KANK2: variants seen among roughly 807,000 people sequenced by gnomAD.
KANK2 encodes KN motif and ankyrin repeat domains 2, also known as KN motif and ankyrin repeat domain-containing protein 2.
A neutral mutation model predicts 74.6 loss-of-function variants in KANK2; 41 were observed. The ratio of observed to expected loss-of-function variants is 0.55; its 90% CI spans 0.43 to 0.71. The LOEUF (loss-of-function observed/expected upper bound fraction) is 0.71. Ranked by LOEUF, KANK2 falls within the 30% of genes least tolerant of loss-of-function variation. The pLI is 0.00. For missense variants in KANK2, 1,148 were observed against 1,196.4 expected, an observed-to-expected ratio of 0.96 and a Z score of 0.60; for synonymous variants, 537 against 519.0, an observed-to-expected ratio of 1.03 and a Z score of -0.47.
chr19:11,192,838 T>G lies in KANK2; in HGVS notation c.1242A>C (p.Gly414=). ...KISITERSCD[G]AAGLPEVPAE... is the part of the protein sequence containing the mutation. Reference sequence around the variant, plus strand: ...CTGCCTGCGACCGCTTACCTGCTGCTCCATCGCAGCTTCGCTCTGTGATGC... The same window carrying G: ...CTGCCTGCGACCGCTTACCTGCTGCGCCATCGCAGCTTCGCTCTGTGATGC... The change falls in exon 4 of 13, where the codon GGA becomes GGC. Residue 414 remains glycine (G), a synonymous_variant. Coordinates refer to ENST00000586659, the MANE Select transcript of KANK2 (RefSeq NM_001136191.3). 4 of 1,563,176 alleles carry G rather than the reference T, an allele frequency of 2.6e-6. No individual in the cohort carries two copies. The highest frequency in any genetic ancestry group is 1.4e-5 in the African/African-American group (1 of 72,422).
At chr19:11,181,113 A>AAG (rs1555818110) in intron 4 of KANK2, among the ~76,000 whole-genome samples, 15,884 of 98,082 alleles carry the variant, frequency 0.16, 3,244 homozygotes, top group South Asian at 0.3. Context: ...AAAAAAAAAA[A>AAG]AAATTCTGGG....
chr19:11,183,114 T>C (rs567248219), intron 4 of KANK2, among the ~76,000 whole-genome samples: 1 of 152,174 alleles, frequency 6.6e-6, no homozygotes, highest in Non-Finnish European at 1.5e-5. Flanking sequence ...GCTAAGACAA[T>C]TCTACAAAAC....
intron 4 of KANK2, among the ~76,000 whole-genome samples, chr19:11,180,735 G>A (rs78536878): frequency 0.014 from 2,139 of 152,124 alleles, 47 homozygotes; most frequent in African/African-American, 0.048. Context: ...ATACTGCATG[G>A]CCAGGAGACA....
Position 11,178,539 on chromosome 19 carries a change from C to T in KANK2, c.1417+14G>A. 1 of 1,602,610 alleles carries T rather than the reference C, an allele frequency of 6.2e-7. No individual in the cohort carries two copies. ...CCGGTGCCCCGTCCCTCTTGGCGGC[C>T]ACCCACCACTTACCGGTGCCCCCGG... is the stretch of plus-strand genomic sequence containing the variant. On this transcript the variant is annotated intron_variant, in intron 5 of 12. Transcript: ENST00000586659.
chr19:11,179,648 TA>T (rs113747994), intron 4 of KANK2, among the ~76,000 whole-genome samples: 44 of 121,764 alleles, frequency 3.6e-4, no homozygotes, highest in Admixed American at 3.2e-4. Flanking sequence ...AAATAAAAAA[TA>T]AAAAAAAAAA....
At chr19:11,190,439 T>G (rs1258637983) in intron 4 of KANK2, among the ~76,000 whole-genome samples, 3 of 152,110 alleles carry the variant, frequency 2.0e-5, no homozygotes, top group Admixed American at 6.6e-5. Flanking sequence ...CTGGCTCAGT[T>G]GAGCCACTTC....
chr19:11,173,156 G>A (rs1317053391), intron 9 of KANK2, 33 bp from the exon 10 acceptor site: 1 of 1,596,286 alleles, frequency 6.3e-7, no homozygotes, highest in Non-Finnish European at 8.6e-7. Flanking sequence ...TCAGACCAGG[G>A]ATCGCTGCTA....
chr19:11,164,836 T>C lies in KANK2; in HGVS notation c.*1722A>G, dbSNP rs2077988063. The C allele has an allele frequency of 6.6e-6, 1 of 152,104 alleles. No homozygotes were observed. The highest frequency in any genetic ancestry group is 2.1e-4 in the South Asian group (1 of 4,820). The allele number at this position is 152,104 out of a possible 1,614,324, so 9.4% of individuals were successfully genotyped here. A position where few individuals can be genotyped will look rare whatever the true frequency, so the allele number is the denominator to read the frequency against. On this transcript the variant is annotated 3_prime_UTR_variant, in exon 13 of 13. Transcript: ENST00000586659. ...TTCACTAAAAATCAAAGCAAGCCAGTCTACATCAAGCCAAGAAACCTACTT... is the reference window on the plus strand; with the variant it reads ...TTCACTAAAAATCAAAGCAAGCCAGCCTACATCAAGCCAAGAAACCTACTT...
At chr19:11,180,759 A>G (rs1201045352) in intron 4 of KANK2, among the ~76,000 whole-genome samples, 1 of 152,116 alleles carries the variant, frequency 6.6e-6, no homozygotes, top group Non-Finnish European at 1.5e-5. Context: ...TCACAATCTC[A>G]ATCTCTGCCC....
chr19:11,190,669 T>C (rs940815116), intron 4 of KANK2, among the ~76,000 whole-genome samples: 4 of 152,140 alleles, frequency 2.6e-5, no homozygotes, highest in African/African-American at 7.2e-5. Flanking sequence ...CTCACCAGTA[T>C]CACACAGCAT....
Position 11,166,484 on chromosome 19 carries a change from G to A in KANK2, c.*74C>T, listed in dbSNP as rs2078024636. The A allele has an allele frequency of 7.1e-7, 1 of 1,399,110 alleles. No homozygotes were observed. The highest frequency in any genetic ancestry group is 1.0e-6 in the Non-Finnish European group (1 of 986,126). The allele number at this position is 1,399,110 out of a possible 1,614,324, so 86.7% of individuals were successfully genotyped here. ...AGTGTGAGTGGGGTGGGCCAGGGAG[G>A]AACGGGAACAGGGAGGAGACGGGGA... On this transcript the variant is annotated 3_prime_UTR_variant, in exon 13 of 13. Coordinates refer to ENST00000586659, the MANE Select transcript of KANK2 (RefSeq NM_001136191.3).
intron 8 of KANK2, among the ~76,000 whole-genome samples, chr19:11,174,921 G>C (rs1370001978): frequency 6.6e-6 from 1 of 151,702 alleles, no homozygotes; most frequent in Non-Finnish European, 1.5e-5. Flanking sequence ...AGGAAGGTGT[G>C]AGCACCTCCA....
In KANK2 at chr19:11,193,966, A is replaced by G. The variant is rs1052057330; in HGVS notation, c.114T>C (p.Tyr38=). 1.9e-6 allele frequency: 3 copies of G among 1,613,920 alleles called. No homozygotes were observed. The highest frequency in any genetic ancestry group is 1.7e-5 in the Admixed American group (1 of 59,996). Residue 38 remains tyrosine (Y), a synonymous_variant, in exon 4 of 13, where the codon TAT becomes TAC. Coordinates refer to ENST00000586659, the MANE Select transcript of KANK2 (RefSeq NM_001136191.3). This position sits in a 1 kb window ranked among gnomAD's most constrained non-coding sequence, Gnocchi z 9.6. ...GGAAGTCCAGGTCCAGGCGGTAGCC[A>G]TAGGGGGTCTCCACGGAGTAGGGTG... ...PDPPYSVETP[Y]GYRLDLDFLK...
intron 4 of KANK2, among the ~76,000 whole-genome samples, chr19:11,183,246 C>T (rs893493241): frequency 2.0e-5 from 3 of 152,160 alleles, no homozygotes; most frequent in African/African-American, 7.2e-5. Flanking sequence ...AAGACAGGCT[C>T]CAATCTCTGG....
chr19:11,176,644 G>C lies in KANK2; in HGVS notation c.1694C>G (p.Ser565Cys), dbSNP rs750946885. Residue 565 changes from serine to cysteine, a missense_variant, in exon 7 of 13, where the codon TCT becomes TGT. Coordinates refer to ENST00000586659, the MANE Select transcript of KANK2 (RefSeq NM_001136191.3). ...AKTSRQECQL[S>C]RESQHIPTAE... ...AGTGGGTATGTGCTGAGATTCTCGA[G>C]ACAGCTGACACTCCTGCCGGCTGGT... The C allele has an allele frequency of 3.1e-6, 5 of 1,613,496 alleles. No individual in the cohort carries two copies. Among genetic ancestry groups the C allele is most frequent in the Non-Finnish European group, 4.2e-6 (5 of 1,179,810 alleles).
chr19:11,179,736 G>A (rs116653612), intron 4 of KANK2, among the ~76,000 whole-genome samples: 2,193 of 152,242 alleles, frequency 0.014, 47 homozygotes, highest in African/African-American at 0.049. Context: ...AGGTTGGTCT[G>A]AGGACAAAGG....
chr19:11,182,250 C>CA (rs2078542829), intron 4 of KANK2, among the ~76,000 whole-genome samples: 1 of 151,406 alleles, frequency 6.6e-6, no homozygotes, highest in African/African-American at 2.4e-5. Context: ...TATGTTACCA[C>CA]AATATTGTAA....
Position 11,178,447 on chromosome 19 carries a change from C to T in KANK2, c.1418G>A (p.Gly473Asp). 1 of 1,599,340 alleles carries T rather than the reference C, an allele frequency of 6.3e-7. No homozygotes were observed. Among genetic ancestry groups the T allele is most frequent in the Non-Finnish European group, 8.5e-7 (1 of 1,174,494 alleles). Residue 473 changes from glycine (G) to aspartate (D), a missense_variant and splice_region_variant, in exon 6 of 13, where the codon GGC (glycine) becomes GAC (aspartate). By Grantham distance (94) the Gly-to-Asp change is moderately conservative. Transcript: ENST00000586659. The part of the protein sequence containing the change: ...SQESEEAGGT[G>D]GPPAGVRSIM... Reference sequence around the variant, plus strand: ...AGATCGCACGCCTGCCGGGGGCCCGCCTGGAGGGGAGGACAGCGGAGGTGC... The same window carrying T: ...AGATCGCACGCCTGCCGGGGGCCCGTCTGGAGGGGAGGACAGCGGAGGTGC...
At chr19:11,190,821 C>T (rs544242551) in intron 4 of KANK2, among the ~76,000 whole-genome samples, 2 of 152,088 alleles carry the variant, frequency 1.3e-5, no homozygotes, top group African/African-American at 4.8e-5. Flanking sequence ...ACCTCCGGCT[C>T]CCAAGTTCAA....
Sources: allele counts gnomAD v4.1 joint callset (sites outside exome capture counted in the v4.1 genomes callset), GRCh38; gene constraint gnomAD v4.1.1; non-coding constraint Gnocchi (gnomAD v3.1); transcripts MANE v1.5; gene names NCBI Gene and HGNC (gene_info 2026-07-23, HGNC 2026-07-21).